Variants in PCDH15 observed in about 807,000 individuals in gnomAD.
PCDH15 encodes protocadherin related 15, also known as protocadherin-15.
In PCDH15, 129 loss-of-function variants were observed where a neutral mutation model predicts 178.5. The ratio of observed to expected loss-of-function variants is 0.72; its 90% CI spans 0.63 to 0.84. The LOEUF (loss-of-function observed/expected upper bound fraction) is 0.84, where lower values mean the gene tolerates loss of function less well. PCDH15 is among the 40% of genes least tolerant of loss of function. The pLI, the probability that PCDH15 is intolerant of heterozygous loss-of-function variation, is 0.00. For synonymous variants in PCDH15, 800 were observed against 732.0 expected (o/e 1.09, Z -1.50); for missense variants, 2,230 against 2,099.9 (o/e 1.06, Z -1.21).
intron 3 of PCDH15, among the ~76,000 whole-genome samples, chr10:54,484,694 T>C (rs1248458202): frequency 6.6e-6 from 1 of 151,814 alleles, no homozygotes; most frequent in African/African-American, 2.4e-5. Flanking sequence ...GGGATGAATT[T>C]AAAATCAATA....
At chr10:54,731,564 A>AGATATATATATATATG (rs1491229343) in intron 1 of PCDH15, among the ~76,000 whole-genome samples, 2 of 43,348 alleles carry the variant, frequency 4.6e-5, no homozygotes, top group Admixed American at 3.1e-4. Context: ...ATATATATAT[A>AGATATATATATATATG]CACACACACA....
At chr10:53,982,223 G>A (rs2090710075) in intron 21 of PCDH15, among the ~76,000 whole-genome samples, 1 of 152,172 alleles carries the variant, frequency 6.6e-6, no homozygotes, top group African/African-American at 2.4e-5. Context: ...CTGTTGGTGG[G>A]AGTGTAAACT....
intron 17 of PCDH15, among the ~76,000 whole-genome samples, chr10:54,073,086 T>TC (rs1302391282): frequency 6.6e-6 from 1 of 152,020 alleles, no homozygotes; most frequent in East Asian, 1.9e-4. Context: ...AGCTTTTTTT[T>TC]CTCTGTGCAC....
intron 18 of PCDH15, among the ~76,000 whole-genome samples, chr10:54,046,564 A>T: frequency 6.6e-6 from 1 of 152,084 alleles, no homozygotes; most frequent in East Asian, 1.9e-4. Context: ...TCGAAAAAAG[A>T]CAAAACTAAA....
At chr10:55,098,895 T>TGAGAGAGAGAGAGAGAGAGA (rs10535301) in intron 2 of PCDH15, among the ~76,000 whole-genome samples, 2,553 of 120,070 alleles carry the variant, frequency 0.021, 91 homozygotes, top group Non-Finnish European at 0.026. Flanking sequence ...AAAACTTCAA[T>TGAGAGAGAGAGAGAGAGAGA]GAGAGAGAGA....
chr10:54,631,663 C>T (rs2093703636), intron 2 of PCDH15, among the ~76,000 whole-genome samples: 1 of 152,162 alleles, frequency 6.6e-6, no homozygotes, highest in African/African-American at 2.4e-5. Context: ...TTTCACACTG[C>T]TATAAAGTAC....
At chr10:55,463,601 G>A (rs2132095584) in intron 2 of PCDH15, among the ~76,000 whole-genome samples, 1 of 152,178 alleles carries the variant, frequency 6.6e-6, no homozygotes, top group East Asian at 1.9e-4. Context: ...GCAGGCTGCA[G>A]TGAGCCATGA....
chr10:53,909,316 T>G (rs1460649074), intron 25 of PCDH15, among the ~76,000 whole-genome samples: 1 of 152,156 alleles, frequency 6.6e-6, no homozygotes, highest in Non-Finnish European at 1.5e-5. Flanking sequence ...TTAAATCTCT[T>G]CTCTTTATAA....
At chr10:54,983,229 T>C (rs1217073905) in intron 2 of PCDH15, among the ~76,000 whole-genome samples, 1 of 152,188 alleles carries the variant, frequency 6.6e-6, no homozygotes, top group Non-Finnish European at 1.5e-5. Flanking sequence ...CAACTGTTAC[T>C]TTAGGTACTT....
chr10:54,961,983 T>A (rs1489218280), intron 2 of PCDH15, among the ~76,000 whole-genome samples: 1 of 152,190 alleles, frequency 6.6e-6, no homozygotes, highest in African/African-American at 2.4e-5. Context: ...AGGAGCAACC[T>A]ACCTTGGGTC....
chr10:54,711,248 A>G (rs901264411), intron 1 of PCDH15, among the ~76,000 whole-genome samples: 5 of 152,004 alleles, frequency 3.3e-5, no homozygotes, highest in African/African-American at 1.2e-4. Context: ...AACAAAAATG[A>G]TATCTTTCCT....
Position 54,966,912 on chromosome 10 carries a change from T to C in PCDH15, c.-79-69412A>G, listed in dbSNP as rs193205095. 1.2e-4 allele frequency among the ~76,000 whole-genome samples: 18 copies of C among 152,158 alleles called. No homozygotes were observed. In the East Asian group the frequency reaches 3.5e-3, roughly 29 times the overall value. ...GCAGCATGAAAATGAACTAATACAG[T>C]AAGTAGTTGTGTATCTAAAAATATC... is the stretch of plus-strand genomic sequence containing the variant. On this transcript the variant is annotated intron_variant, in intron 2 of 5. Coordinates refer to the PCDH15 transcript ENST00000458638.
chr10:55,536,017 A>G (rs745812911), intron 2 of PCDH15, among the ~76,000 whole-genome samples: 4 of 152,080 alleles, frequency 2.6e-5, no homozygotes, highest in Non-Finnish European at 5.9e-5. Context: ...ATGCAGTTTG[A>G]TAAACTGAAA....
chr10:54,325,812 G>A (rs1332595672), intron 7 of PCDH15, among the ~76,000 whole-genome samples: 2 of 152,022 alleles, frequency 1.3e-5, no homozygotes, highest in Non-Finnish European at 2.9e-5. Flanking sequence ...GGGAGGCTGA[G>A]GCATGAGAAT....
At chr10:54,574,604 C>A (rs1320705966) in intron 2 of PCDH15, among the ~76,000 whole-genome samples, 1 of 138,612 alleles carries the variant, frequency 7.2e-6, no homozygotes, top group Non-Finnish European at 1.6e-5. Flanking sequence ...AATGAGATAC[C>A]ATCTCACACC....
At chr10:55,127,625 G>A (rs936894879) in intron 2 of PCDH15, among the ~76,000 whole-genome samples, 4 of 151,866 alleles carry the variant, frequency 2.6e-5, no homozygotes, top group African/African-American at 4.8e-5. Flanking sequence ...TCCTATGTTC[G>A]ATCCCAAAGA....
At chr10:55,424,096 G>T (rs561606756) in intron 2 of PCDH15, among the ~76,000 whole-genome samples, 57 of 152,190 alleles carry the variant, frequency 3.7e-4, no homozygotes, top group Non-Finnish European at 7.4e-4. Flanking sequence ...TGTATGACAA[G>T]ATGTCAAACT....
At chr10:54,119,975 A>C (rs1397448070) in intron 15 of PCDH15, among the ~76,000 whole-genome samples, 1 of 151,944 alleles carries the variant, frequency 6.6e-6, no homozygotes, top group Non-Finnish European at 1.5e-5. Flanking sequence ...CCCTGTGTCC[A>C]TGTGTTATCA....
chr10:55,480,064 C>A (rs1418223203), intron 2 of PCDH15, among the ~76,000 whole-genome samples: 1 of 151,560 alleles, frequency 6.6e-6, no homozygotes, highest in Non-Finnish European at 1.5e-5. Context: ...ATGAGAAAAA[C>A]ATTGAATCTA....
Sources: allele counts gnomAD v4.1 joint callset (sites outside exome capture counted in the v4.1 genomes callset), GRCh38; gene constraint gnomAD v4.1.1; transcripts MANE v1.5; gene names NCBI Gene and HGNC (gene_info 2026-07-23, HGNC 2026-07-21).